The following SEPSECS variants were observed in gnomAD, a reference collection of about 807,000 sequenced individuals.
SEPSECS encodes the protein Sep (O-phosphoserine) tRNA:Sec (selenocysteine) tRNA synthase, also known as O-phosphoseryl-tRNA(Sec) selenium transferase.
A neutral mutation model predicts 52.1 loss-of-function variants in SEPSECS; 42 were observed. That is an observed-to-expected ratio of 0.81 (90% CI 0.63 to 1.04). The LOEUF is 1.04. SEPSECS is among the 50% of genes least tolerant of loss of function. The probability of loss-of-function intolerance (pLI) is 0.00; values close to 1 mark genes in which losing one functional copy is unlikely to be tolerated. For missense variants in SEPSECS, 590 were observed against 610.6 expected, an observed-to-expected ratio of 0.97 and a Z score of 0.36; for synonymous variants, 216 against 211.4, an observed-to-expected ratio of 1.02 and a Z score of -0.19.
rs764853574 is a variant in SEPSECS at position 25,125,390 on chromosome 4, T to C, written c.1211+304A>G. ...TCTCTAATACCATAATGTGACTTGCTGAAGATCATCTAACAAAGGAAATAA... is the reference window on the plus strand; with the variant it reads ...TCTCTAATACCATAATGTGACTTGCCGAAGATCATCTAACAAAGGAAATAA... On this transcript the variant is annotated intron_variant, in intron 10 of 10. Transcript: ENST00000382103. The C allele has an allele frequency of 5.6e-5, 17 of 305,912 alleles. No homozygotes were observed. In the South Asian group the frequency reaches 7.3e-4, roughly 13 times the overall value. 18.9% of individuals were successfully genotyped at this position (305,912 alleles called of 1,614,324 possible).
intron 8 of SEPSECS, among the ~76,000 whole-genome samples, chr4:25,138,828 G>A (rs956488450): frequency 1.4e-4 from 21 of 152,294 alleles, no homozygotes; most frequent in Admixed American, 1.3e-3. Flanking sequence ...TGTTAAAAAT[G>A]CAGTTGTCTA....
At chr4:25,128,519 A>G (rs1361113439) in intron 8 of SEPSECS, among the ~76,000 whole-genome samples, 1 of 152,200 alleles carries the variant, frequency 6.6e-6, no homozygotes, top group Non-Finnish European at 1.5e-5. Flanking sequence ...AATAAAATAT[A>G]TTCAATAGTA....
upstream of SEPSECS, chr4:25,160,520 T>C: frequency 1.6e-6 from 1 of 640,358 alleles, no homozygotes; most frequent in Non-Finnish European, 2.7e-6. Context: ...AAAAAAACAC[T>C]TCTCGTTCGT....
At position 25,159,196 on chromosome 4, in the gene SEPSECS, G is replaced by GT. The variant is rs1353504593; in HGVS notation, c.115-90dup. On this transcript the variant is annotated intron_variant, in intron 1 of 10. Coordinates refer to ENST00000382103, the MANE Select transcript of SEPSECS (RefSeq NM_016955.4). ...GGAATACAGTTTTTCTTTTTAACGT[G>GT]TATTTTGCCACGCTGCTTGTTTTCT... The GT allele has an allele frequency of 3.2e-5, 37 of 1,163,146 alleles. No individual in the cohort carries two copies. The East Asian group carries it at 9.0e-4, about 28-fold the overall frequency. The allele number at this position is 1,163,146 out of a possible 1,614,324, so 72.1% of individuals were successfully genotyped here.
chr4:25,141,764 CT>C (rs1711560601), intron 8 of SEPSECS, among the ~76,000 whole-genome samples: 1 of 152,166 alleles, frequency 6.6e-6, no homozygotes, highest in African/African-American at 2.4e-5. Flanking sequence ...TTACTGTGGC[CT>C]AGAAGGCCCC....
chr4:25,153,427 T>G (rs964772793), intron 5 of SEPSECS, among the ~76,000 whole-genome samples: 2 of 151,628 alleles, frequency 1.3e-5, no homozygotes, highest in African/African-American at 4.8e-5. Context: ...TGTTAATGGT[T>G]AGGGTGTGTT....
At chr4:25,142,109 T>G (rs556231061) in intron 8 of SEPSECS, among the ~76,000 whole-genome samples, 3 of 152,136 alleles carry the variant, frequency 2.0e-5, no homozygotes, top group Non-Finnish European at 4.4e-5. Flanking sequence ...AAACCCCGTC[T>G]CTACTAAAAA....
In SEPSECS at chr4:25,160,412, C is replaced by A; in HGVS notation, c.-43G>T. The A allele has an allele frequency of 6.7e-7, 1 of 1,482,848 alleles. No individual in the cohort carries two copies. Among genetic ancestry groups the A allele is most frequent in the Admixed American group, 2.0e-5 (1 of 49,584 alleles). 91.9% of individuals were successfully genotyped at this position (1,482,848 alleles called of 1,614,324 possible). The stretch of plus-strand genomic sequence containing the variant: ...TGGCGAATAAGCGGGAGCACTAGCT[C>A]CACACGCCAGACACACGACGGAACC... On this transcript the variant is annotated 5_prime_UTR_variant, in exon 1 of 11. Transcript: ENST00000382103.
chr4:25,153,283 A>T (rs1425672688), intron 5 of SEPSECS, among the ~76,000 whole-genome samples: 2 of 151,898 alleles, frequency 1.3e-5, no homozygotes, highest in Non-Finnish European at 3.0e-5. Context: ...GCACTTTCAT[A>T]TGTGTGTGTT....
rs773849459 is a variant in SEPSECS, at chr4:25,158,950, T to TA, written c.269+2dup. The TA allele has an allele frequency of 1.9e-6, 3 of 1,613,518 alleles. No homozygotes were observed. The highest frequency in any genetic ancestry group is 1.7e-6 in the Non-Finnish European group (2 of 1,179,480). ...ATCTCCTGTACTACTTAAAAAAAGA[T>TA]ACCTGTAATGACGACGAGCAACCAG... On this transcript the variant is annotated splice_region_variant and intron_variant, in intron 2 of 10. Coordinates refer to ENST00000382103, the MANE Select transcript of SEPSECS (RefSeq NM_016955.4).
In SEPSECS at chr4:25,127,265, T is replaced by A; in HGVS notation, c.1119A>T (p.Leu373Phe). The A allele has an allele frequency of 6.2e-7, 1 of 1,603,656 alleles. No individual in the cohort carries two copies. Among genetic ancestry groups the A allele is most frequent in the Non-Finnish European group, 8.5e-7 (1 of 1,171,100 alleles). Reference sequence around the variant, plus strand: ...TTTCTTTAGGAAAAAAGAAATTACCTAAAGATATGGGATTGTGAGGTGTAT... The same window carrying A: ...TTTCTTTAGGAAAAAAGAAATTACCAAAAGATATGGGATTGTGAGGTGTAT... Reference protein sequence around the residue: ...LLHTPHNPISLAMTLKTLDEH... With the variant: ...LLHTPHNPISFAMTLKTLDEH... The change falls in exon 9 of 11, where the codon TTA becomes TTT. Residue 373 changes from leucine to phenylalanine, a missense_variant and splice_region_variant. Transcript: ENST00000382103.
In SEPSECS at chr4:25,156,195, C is replaced by T. The variant is rs1004182733; in HGVS notation, c.389G>A (p.Gly130Asp). ...AAAGCAGTTGGCTACTGTATGGACA[C>T]CTACAAATAAGAAGCAAAACAGAAA... ...SLVLDIIKLA[G>D]VHTVANCFVV... The change falls in exon 4 of 11, where the codon GGT (glycine) becomes GAT (aspartate). Residue 130 changes from glycine to aspartate, a missense_variant and splice_region_variant. Physicochemically the swap from Gly to Asp is moderately conservative, Grantham distance 94 (BLOSUM62 -1). Coordinates refer to ENST00000382103, the MANE Select transcript of SEPSECS (RefSeq NM_016955.4). 1.5e-5 allele frequency: 25 copies of T among 1,613,616 alleles called. No homozygotes were observed. The highest frequency in any genetic ancestry group is 2.1e-5 in the Non-Finnish European group (25 of 1,179,768).
chr4:25,150,382 T>G (rs1490587598), intron 6 of SEPSECS, among the ~76,000 whole-genome samples: 1 of 152,222 alleles, frequency 6.6e-6, no homozygotes, highest in African/African-American at 2.4e-5. Flanking sequence ...AGTTATTAAT[T>G]GTCCATTACG....
At chr4:25,126,246 A>C (rs1384367326) in intron 9 of SEPSECS, among the ~76,000 whole-genome samples, 1 of 152,176 alleles carries the variant, frequency 6.6e-6, no homozygotes, top group Non-Finnish European at 1.5e-5. Flanking sequence ...GCTACCATTT[A>C]CTAAGGACTC....
At chr4:25,157,601 G>A (rs1412655820) in intron 2 of SEPSECS, among the ~76,000 whole-genome samples, 1 of 149,596 alleles carries the variant, frequency 6.7e-6, no homozygotes, top group Non-Finnish European at 1.5e-5. Context: ...CTGGAGTGCA[G>A]TGGCGCGATC....
rs1245886256 is a variant in SEPSECS, at chr4:25,120,726, T to G, written c.*3205A>C. 6.6e-6 allele frequency: 1 copy of G among 152,150 alleles called. No individual in the cohort carries two copies. The highest frequency in any genetic ancestry group is 1.5e-5 in the Non-Finnish European group (1 of 67,986). The allele number at this position is 152,150 out of a possible 1,614,324, so 9.4% of individuals were successfully genotyped here. On this transcript the variant is annotated 3_prime_UTR_variant, in exon 11 of 11. Transcript: ENST00000382103. ...AACTCTTATATGCACCAAATGTGTA[T>G]GTATTCCAAAAACTTTCTCCGAGTA...
chr4:25,131,156 T>C (rs563353307), intron 8 of SEPSECS, among the ~76,000 whole-genome samples: 1 of 152,358 alleles, frequency 6.6e-6, no homozygotes, highest in East Asian at 1.9e-4. Context: ...ATCTTTCATA[T>C]GGCCTTTTGC....
At position 25,120,986 on chromosome 4, in the gene SEPSECS, A is replaced by T. The variant is rs1038103623; in HGVS notation, c.*2945T>A. 9 of 152,196 alleles carry T rather than the reference A, an allele frequency of 5.9e-5. No homozygotes were observed. Among genetic ancestry groups the T allele is most frequent in the African/African-American group, 1.9e-4 (8 of 41,472 alleles). The allele number at this position is 152,196 out of a possible 1,614,324, so 9.4% of individuals were successfully genotyped here. On this transcript the variant is annotated 3_prime_UTR_variant, in exon 11 of 11. Coordinates refer to ENST00000382103, the MANE Select transcript of SEPSECS (RefSeq NM_016955.4). ...CTTATTATGAGGTGGTTAAAGACAC[A>T]GAACCACAGTGAAGTGCTGATCATA...
At chr4:25,126,868 G>T (rs937410184) in intron 9 of SEPSECS, among the ~76,000 whole-genome samples, 2 of 152,118 alleles carry the variant, frequency 1.3e-5, no homozygotes, top group African/African-American at 4.8e-5. Context: ...TGTTGTCCAG[G>T]CTGGTTTTGA....
Sources: gnomAD v4.1 joint callset for allele counts (sites outside exome capture counted in the v4.1 genomes callset) on GRCh38, gnomAD v4.1.1 for gene constraint, MANE v1.5 for transcripts, NCBI Gene and HGNC (gene_info 2026-07-23, HGNC 2026-07-21) for gene names.